Variants in DDX49 observed in about 807,000 individuals in gnomAD.
DDX49 encodes the protein DEAD-box helicase 49.
DDX49 carries 50 observed loss-of-function variants against 56.3 expected under a neutral mutation model. That is an observed-to-expected ratio of 0.89 (90% CI 0.71 to 1.12). DDX49 has a LOEUF of 1.12. DDX49 is among the 50% of genes most tolerant of loss of function. The probability of loss-of-function intolerance (pLI) is 0.00; values close to 1 mark genes in which losing one functional copy is unlikely to be tolerated. For missense variants in DDX49, 614 were observed against 650.5 expected, an observed-to-expected ratio of 0.94 and a Z score of 0.61; for synonymous variants, 269 against 270.6, an observed-to-expected ratio of 0.99 and a Z score of 0.06.
chr19:18,923,213 C>G (rs1220082884), intron 6 of DDX49, among the ~76,000 whole-genome samples: 2 of 152,136 alleles, frequency 1.3e-5, no homozygotes, highest in Non-Finnish European at 2.9e-5. Context: ...GCTTTAAATG[C>G]GTTACCTCCC....
chr19:18,927,733 CCA>C, intron 10 of DDX49, 31 bp from the exon 11 acceptor site: 6 of 1,555,556 alleles, frequency 3.9e-6, no homozygotes, highest in East Asian at 2.2e-5. Context: ...CGTCTCCTCC[CCA>C]CCCCCACCCC....
In DDX49 at chr19:18,920,707, A is replaced by G; in HGVS notation, c.239+4A>G. ...GCCTCGTCCTGACACCCACCAGGTA[A>G]GCCCCCAGCAGGCCTCCTGGGTATG... On this transcript the variant is annotated splice_donor_region_variant and intron_variant, in intron 2 of 12. Coordinates refer to ENST00000247003, the MANE Select transcript of DDX49 (RefSeq NM_019070.5). The G allele has an allele frequency of 6.3e-7, 1 of 1,592,140 alleles. No homozygotes were observed. Among genetic ancestry groups the G allele is most frequent in the Non-Finnish European group, 8.6e-7 (1 of 1,162,024 alleles).
At chr19:18,920,796 G>A in intron 2 of DDX49, 93 bp downstream of exon 2, 1 of 1,328,622 alleles carries the variant, frequency 7.5e-7, no homozygotes. Context: ...TTTCCCACGT[G>A]TGAGATGAGC....
chr19:18,921,919 C>T lies in DDX49; in HGVS notation c.402C>T (p.His134=), dbSNP rs141504346. 4.5e-5 allele frequency: 73 copies of T among 1,613,834 alleles called. No individual in the cohort carries two copies. The East Asian group carries it at 1.1e-3, about 24-fold the overall frequency. Reference sequence around the variant, plus strand: ...CCACGCCGGGGCGCCTGGCAGATCACCTGCGCAGCTCCAACACTTTTAGTA... The same window carrying T: ...CCACGCCGGGGCGCCTGGCAGATCATCTGCGCAGCTCCAACACTTTTAGTA... The part of the protein sequence containing the change: ...VIATPGRLAD[H]LRSSNTFSIK... Residue 134 remains histidine, a synonymous_variant, in exon 4 of 13, where the codon CAC becomes CAT. Coordinates refer to ENST00000247003, the MANE Select transcript of DDX49 (RefSeq NM_019070.5).
In DDX49 at chr19:18,922,130, G is replaced by A. The variant is rs1172930873; in HGVS notation, c.447+166G>A. The A allele has an allele frequency of 5.9e-6, 7 of 1,184,418 alleles. No individual in the cohort carries two copies. In the East Asian group the frequency reaches 1.8e-4, roughly 30 times the overall value. 73.4% of individuals were successfully genotyped at this position (1,184,418 alleles called of 1,614,324 possible). A position where few individuals can be genotyped will look rare whatever the true frequency, so the allele number is the denominator to read the frequency against. On this transcript the variant is annotated intron_variant, in intron 4 of 12. Transcript: ENST00000247003. ...AAGGACCGTTCAAGGACCAACAAGA[G>A]GGGGCCCAGTCCTAGCAATGTTATT...
rs376039187 is a variant in DDX49, at chr19:18,920,312, T to C, written c.116-268T>C. On this transcript the variant is annotated intron_variant, in intron 1 of 12. Coordinates refer to ENST00000247003, the MANE Select transcript of DDX49 (RefSeq NM_019070.5). ...AGAGAGGCCCACAGGAAGCCTAAGA[T>C]GTGATAAGTCAGGGATTAAATAAAC... Among the ~76,000 whole-genome samples, 7 of 152,202 alleles carry C rather than the reference T, an allele frequency of 4.6e-5. No homozygotes were observed. In the South Asian group the frequency reaches 1.2e-3, roughly 27 times the overall value.
chr19:18,924,409 A>G (rs2145103231), intron 7 of DDX49, 101 bp downstream of exon 7: 1 of 1,244,324 alleles, frequency 8.0e-7, no homozygotes, highest in East Asian at 2.5e-5. Context: ...TCTTCCTGCC[A>G]CCTGGTCTCT....
At chr19:18,923,476 C>T (rs2056935631) in intron 6 of DDX49, among the ~76,000 whole-genome samples, 1 of 152,116 alleles carries the variant, frequency 6.6e-6, no homozygotes, top group African/African-American at 2.4e-5. Flanking sequence ...GAGCCGAGAT[C>T]ACGCCACTGC....
intron 2 of DDX49, among the ~76,000 whole-genome samples, chr19:18,921,171 G>T (rs2056914018): frequency 6.6e-6 from 1 of 152,050 alleles, no homozygotes; most frequent in East Asian, 1.9e-4. Context: ...AAAGAAAGAG[G>T]CAGGCAGCAG....
rs772859126 is a variant in DDX49 at position 18,920,606 on chromosome 19, A to G, written c.142A>G (p.Thr48Ala). Residue 48 changes from threonine (T) to alanine (A), a missense_variant, in exon 2 of 13, where the codon ACA (threonine) becomes GCA (alanine). Thr to Ala is a moderately conservative substitution (Grantham distance 58). Coordinates refer to ENST00000247003, the MANE Select transcript of DDX49 (RefSeq NM_019070.5). ...TCGAGACTGCTTGGGCTGTGCTAAG[A>G]CAGGCAGTGGGAAGACAGCAGCGTT... Reference protein sequence around the residue: ...EGRDCLGCAKTGSGKTAAFVL... With the variant: ...EGRDCLGCAKAGSGKTAAFVL... 2 of 1,610,330 alleles carry G rather than the reference A, an allele frequency of 1.2e-6. No homozygotes were observed. Among genetic ancestry groups the G allele is most frequent in the African/African-American group, 2.7e-5 (2 of 74,884 alleles).
At position 18,928,508 on chromosome 19, in the gene DDX49, C is replaced by A; in HGVS notation, c.*192C>A. On this transcript the variant is annotated 3_prime_UTR_variant, in exon 13 of 13. Coordinates refer to ENST00000247003, the MANE Select transcript of DDX49 (RefSeq NM_019070.5). ...GGCTGGTCCCTTCCCTGAGCCCTGGCCAAGATTCAGGCTGCAGGGGAAGAA... is the reference window on the plus strand; with the variant it reads ...GGCTGGTCCCTTCCCTGAGCCCTGGACAAGATTCAGGCTGCAGGGGAAGAA... The A allele has an allele frequency of 1.7e-6, 1 of 592,180 alleles. No homozygotes were observed. The highest frequency in any genetic ancestry group is 2.9e-6 in the Non-Finnish European group (1 of 348,734). 36.7% of individuals were successfully genotyped at this position (592,180 alleles called of 1,614,324 possible). A position where few individuals can be genotyped will look rare whatever the true frequency, so the allele number is the denominator to read the frequency against.
chr19:18,922,841 C>T, intron 6 of DDX49, 97 bp downstream of exon 6: 1 of 1,468,926 alleles, frequency 6.8e-7, no homozygotes, highest in Non-Finnish European at 9.3e-7. Context: ...CAGCACTCCC[C>T]AGCCTCTGCT....
chr19:18,922,120 A>G, intron 4 of DDX49, 156 bp downstream of exon 4: 1 of 1,238,224 alleles, frequency 8.1e-7, no homozygotes, highest in Non-Finnish European at 1.1e-6. Context: ...CCGTTCAAGG[A>G]CCAACAAGAG....
At chr19:18,924,357 G>A (rs199563493) in intron 7 of DDX49, 49 bp downstream of exon 7, 263 of 1,550,412 alleles carry the variant, frequency 1.7e-4, no homozygotes, top group Admixed American at 2.5e-4. Flanking sequence ...TACCTTCCCC[G>A]CCTCAGACAT....
chr19:18,920,439 G>T, intron 1 of DDX49, 141 bp from the exon 2 acceptor site: 1 of 788,518 alleles, frequency 1.3e-6, no homozygotes, highest in East Asian at 2.8e-5. Context: ...CGAGGTGGTA[G>T]GAAGCTGTGG....
In DDX49 at chr19:18,921,907, C is replaced by T. The variant is rs1254624784; in HGVS notation, c.390C>T (p.Arg130=). The change falls in exon 4 of 13, where the codon CGC becomes CGT. Residue 130 remains arginine (R), a synonymous_variant. Coordinates refer to ENST00000247003, the MANE Select transcript of DDX49 (RefSeq NM_019070.5). The part of the protein sequence containing the change: ...KPHVVIATPG[R]LADHLRSSNT... ...ACGTGGTCATCGCCACGCCGGGGCG[C>T]CTGGCAGATCACCTGCGCAGCTCCA... 7 of 1,613,808 alleles carry T rather than the reference C, an allele frequency of 4.3e-6. No homozygotes were observed. The highest frequency in any genetic ancestry group is 1.7e-6 in the Non-Finnish European group (2 of 1,180,032).
chr19:18,928,059 G>A (rs781592388), intron 12 of DDX49, 23 bp downstream of exon 12: 2 of 1,613,520 alleles, frequency 1.2e-6, no homozygotes, highest in Non-Finnish European at 1.7e-6. Flanking sequence ...CCCGCAGGTA[G>A]GGGGTGGGTG....
At chr19:18,923,142 G>A (rs955252340) in intron 6 of DDX49, among the ~76,000 whole-genome samples, 4 of 152,158 alleles carry the variant, frequency 2.6e-5, no homozygotes, top group African/African-American at 9.7e-5. Context: ...GTTTGGGAAG[G>A]TCATTGAGAA....
intron 4 of DDX49, 91 bp from the exon 5 acceptor site, chr19:18,922,235 G>A: frequency 6.8e-7 from 1 of 1,479,170 alleles, no homozygotes; most frequent in South Asian, 1.2e-5. Flanking sequence ...TAGGGTCCAT[G>A]TCCATGCCTC....
Sources: allele counts gnomAD v4.1 joint callset (sites outside exome capture counted in the v4.1 genomes callset), GRCh38; gene constraint gnomAD v4.1.1; transcripts MANE v1.5; gene names NCBI Gene and HGNC (gene_info 2026-07-23, HGNC 2026-07-21).